Variants in RBFOX1 observed in about 807,000 individuals in gnomAD.
RBFOX1 encodes the protein RNA binding fox-1 homolog 1.
In RBFOX1, 8 loss-of-function variants were observed where a neutral mutation model predicts 57.7. The ratio of observed to expected loss-of-function variants is 0.14; its 90% CI spans 0.08 to 0.25. The LOEUF (loss-of-function observed/expected upper bound fraction) is 0.25, where lower values mean the gene tolerates loss of function less well. Among genes scored for constraint, RBFOX1 ranks in the 10% least tolerant of loss-of-function variants. The pLI, the probability that RBFOX1 is intolerant of heterozygous loss-of-function variation, is 1.00. For missense variants in RBFOX1, 611 were observed against 548.5 expected (o/e 1.11, Z -1.14); for synonymous variants, 326 against 222.4 (o/e 1.47, Z -4.15).
chr16:7,562,846 C>T (rs541826313), intron 5 of RBFOX1, among the ~76,000 whole-genome samples: 3 of 152,224 alleles, frequency 2.0e-5, no homozygotes, highest in Admixed American at 6.5e-5. Flanking sequence ...TGTAGGTATA[C>T]TGGACCACAG....
At chr16:6,475,606 C>T (rs1233853435) in intron 2 of RBFOX1, among the ~76,000 whole-genome samples, 1 of 152,160 alleles carries the variant, frequency 6.6e-6, no homozygotes, top group African/African-American at 2.4e-5. Flanking sequence ...GTATGTTCTC[C>T]CATCTCAATA....
chr16:7,205,900 G>T (rs1383508612), intron 4 of RBFOX1, among the ~76,000 whole-genome samples: 1 of 152,206 alleles, frequency 6.6e-6, no homozygotes, highest in Non-Finnish European at 1.5e-5. Flanking sequence ...GCTATTAGTG[G>T]TGTCCCCACT....
At chr16:6,641,236 G>A (rs1008346545) in intron 2 of RBFOX1, among the ~76,000 whole-genome samples, 1 of 152,098 alleles carries the variant, frequency 6.6e-6, no homozygotes, top group Non-Finnish European at 1.5e-5. Flanking sequence ...GAGGTTCAGG[G>A]CTTCCCCAGC....
chr16:6,606,479 C>T (rs952999887), intron 2 of RBFOX1, among the ~76,000 whole-genome samples: 7 of 152,102 alleles, frequency 4.6e-5, no homozygotes, highest in African/African-American at 7.2e-5. Flanking sequence ...AGTTATTAAG[C>T]CCCATACGCA....
intron 3 of RBFOX1, among the ~76,000 whole-genome samples, chr16:6,930,245 C>G (rs1050476089): frequency 2.0e-5 from 3 of 152,132 alleles, no homozygotes; most frequent in African/African-American, 7.2e-5. Context: ...AGCAAACAAG[C>G]TGACTCAAAA....
At chr16:6,979,763 A>T (rs2088159885) in intron 3 of RBFOX1, among the ~76,000 whole-genome samples, 1 of 152,190 alleles carries the variant, frequency 6.6e-6, no homozygotes, top group African/African-American at 2.4e-5. Context: ...GATTTTCTAA[A>T]AATGCAAAAA....
At chr16:6,199,987 CT>C in intron 1 of RBFOX1, among the ~76,000 whole-genome samples, 2 of 152,250 alleles carry the variant, frequency 1.3e-5, no homozygotes, top group Middle Eastern at 6.8e-3. Context: ...GGTTTTTGAC[CT>C]TGGACAATGA....
intron 4 of RBFOX1, among the ~76,000 whole-genome samples, chr16:5,901,678 A>G (rs1262302198): frequency 6.6e-6 from 1 of 152,216 alleles, no homozygotes; most frequent in Non-Finnish European, 1.5e-5. Context: ...CATCACTACA[A>G]AAATTAGTTG....
At chr16:7,388,644 C>CTTTTTTTTTTTT (rs61629644) in intron 4 of RBFOX1, among the ~76,000 whole-genome samples, 2 of 92,620 alleles carry the variant, frequency 2.2e-5, no homozygotes, top group African/African-American at 4.2e-5. Context: ...GTTTCACTTA[C>CTTTTTTTTTTTT]TTTTTTTTTT....
intron 2 of RBFOX1, among the ~76,000 whole-genome samples, chr16:6,396,015 G>T (rs904563237): frequency 4.8e-4 from 65 of 134,708 alleles, no homozygotes; most frequent in African/African-American, 1.9e-3. Flanking sequence ...GCAGTGAGCT[G>T]AGATCGCACC....
intron 13 of RBFOX1, among the ~76,000 whole-genome samples, chr16:7,668,664 A>AG (rs2070292743): frequency 6.6e-6 from 1 of 150,918 alleles, no homozygotes. Flanking sequence ...AGAACAGAAC[A>AG]CACACACACA....
rs536634020 is a variant in RBFOX1 at position 7,330,441 on chromosome 16, A to G, written c.28-187706A>G. ...AGATGATCTGAGGTTGGTTGAATCT[A>G]TGGATGTGGAACCCCAGAATATGGA... On this transcript the variant is annotated intron_variant, in intron 4 of 15. Transcript: ENST00000550418. Among the ~76,000 whole-genome samples, 9 of 108,252 alleles carry G rather than the reference A, an allele frequency of 8.3e-5. No individual in the cohort carries two copies. In the East Asian group the frequency reaches 8.7e-4, roughly 10 times the overall value. The allele number at this position is 108,252 out of a possible 152,430, so 71.0% of individuals were successfully genotyped here.
intron 2 of RBFOX1, among the ~76,000 whole-genome samples, chr16:6,546,465 T>G (rs908123043): frequency 6.6e-6 from 1 of 152,186 alleles, no homozygotes; most frequent in Non-Finnish European, 1.5e-5. Context: ...GAATTCTGCC[T>G]TGCTTCTTTT....
At chr16:7,463,649 C>G (rs1336635518) in intron 4 of RBFOX1, among the ~76,000 whole-genome samples, 1 of 152,186 alleles carries the variant, frequency 6.6e-6, no homozygotes, top group Non-Finnish European at 1.5e-5. Context: ...CTTAAACATT[C>G]AAACCATAGC....
At chr16:6,882,842 A>T (rs1163646223) in intron 3 of RBFOX1, among the ~76,000 whole-genome samples, 1 of 152,048 alleles carries the variant, frequency 6.6e-6, no homozygotes, top group African/African-American at 2.4e-5. Flanking sequence ...CAGAGGCTTT[A>T]TGTTCACCCC....
At chr16:7,157,699 C>G (rs981132122) in intron 4 of RBFOX1, among the ~76,000 whole-genome samples, 1 of 152,086 alleles carries the variant, frequency 6.6e-6, no homozygotes, top group Non-Finnish European at 1.5e-5. Context: ...ACATGCAGTC[C>G]CACGCATCAC....
chr16:7,567,413 A>G (rs1204268241), intron 5 of RBFOX1, among the ~76,000 whole-genome samples: 1 of 142,814 alleles, frequency 7.0e-6, no homozygotes, highest in Non-Finnish European at 1.5e-5. Flanking sequence ...ATCCCTATAT[A>G]TATATCCCTA....
chr16:5,856,325 A>C, intron 3 of RBFOX1, among the ~76,000 whole-genome samples: 1 of 43,842 alleles, frequency 2.3e-5, no homozygotes, highest in African/African-American at 6.7e-5. Flanking sequence ...ATATAGGGAA[A>C]ACTGTTATAT....
At chr16:6,091,830 C>T (rs199829551) in intron 1 of RBFOX1, among the ~76,000 whole-genome samples, 1 of 151,988 alleles carries the variant, frequency 6.6e-6, no homozygotes, top group African/African-American at 2.4e-5. Flanking sequence ...GACTCTGTCT[C>T]AAAAAAACAA....
Sources: gnomAD v4.1 joint callset for allele counts (sites outside exome capture counted in the v4.1 genomes callset) on GRCh38, gnomAD v4.1.1 for gene constraint, MANE v1.5 for transcripts, NCBI Gene and HGNC (gene_info 2026-07-23, HGNC 2026-07-21) for gene names.